Variants in BRD9 observed in about 807,000 individuals in gnomAD.
BRD9 encodes bromodomain containing 9, also known as bromodomain-containing protein 9.
Under a neutral mutation model 68.7 loss-of-function variants are expected in BRD9, and 47 were observed. The ratio of observed to expected loss-of-function variants is 0.68; its 90% confidence interval spans 0.54 to 0.87. BRD9 has a LOEUF of 0.87. Among genes scored for constraint, BRD9 ranks in the 40% least tolerant of loss-of-function variants. BRD9 has a pLI of 0.00. For synonymous variants in BRD9, 313 were observed against 293.9 expected (o/e 1.06, Z -0.67); for missense variants, 670 against 748.4 (o/e 0.90, Z 1.22).
Position 876,083 on chromosome 5 carries a change from G to A in BRD9, c.1383+18C>T, listed in dbSNP as rs375945395. ...CCAAGGGCACCTGCCCCCCAACCCCGGTGCGAGTGCAGCCCACCTGCTTCA... is the reference window on the plus strand; with the variant it reads ...CCAAGGGCACCTGCCCCCCAACCCCAGTGCGAGTGCAGCCCACCTGCTTCA... On this transcript the variant is annotated intron_variant, in intron 12 of 15. Coordinates refer to ENST00000467963, the MANE Select transcript of BRD9 (RefSeq NM_023924.5). 1.3e-5 allele frequency: 20 copies of A among 1,582,840 alleles called. No homozygotes were observed. Among genetic ancestry groups the A allele is most frequent in the South Asian group, 3.3e-5 (3 of 90,250 alleles).
rs111286164 is a variant in BRD9, at chr5:892,731, C to T, written c.-74G>A. The stretch of plus-strand genomic sequence containing the variant: ...CCGGTCGGACCTTGGCCGCCACCGC[C>T]CCCTGGCCCTGGCTGGCCGCCCGCG... On this transcript the variant is annotated 5_prime_UTR_variant, in exon 1 of 16. Transcript: ENST00000467963. 0.048 allele frequency: 59,209 copies of T among 1,240,822 alleles called. 1,514 individuals carry two copies. Among genetic ancestry groups the T allele is most frequent in the South Asian group, 0.059 (1,796 of 30,380 alleles). The allele number at this position is 1,240,822 out of a possible 1,614,324, so 76.9% of individuals were successfully genotyped here. A position where few individuals can be genotyped will look rare whatever the true frequency, so the allele number is the denominator to read the frequency against.
At position 864,443 on chromosome 5, in the gene BRD9, TAA is replaced by T. The variant is rs756506634; in HGVS notation, c.*23_*24del. 1.3e-6 allele frequency: 2 copies of T among 1,531,372 alleles called. No homozygotes were observed. The highest frequency in any genetic ancestry group is 1.2e-5 in the South Asian group (1 of 83,604). 94.9% of individuals were successfully genotyped at this position (1,531,372 alleles called of 1,614,324 possible). On this transcript the variant is annotated 3_prime_UTR_variant, in exon 16 of 16. Coordinates refer to ENST00000467963, the MANE Select transcript of BRD9 (RefSeq NM_023924.5). The stretch of plus-strand genomic sequence containing the variant: ...GCAAAATAAAACTAAAAAAATAAAA[TAA>T]AAGAGCTGAAGGTGGTCTAGAGTTA...
At chr5:886,454 C>A in intron 7 of BRD9, 138 bp downstream of exon 7, 1 of 902,070 alleles carries the variant, frequency 1.1e-6, no homozygotes, top group Non-Finnish European at 1.7e-6. Flanking sequence ...CTCCTCCTGC[C>A]AGAATAAGCT....
chr5:874,342 A>T (rs747774611), intron 12 of BRD9, among the ~76,000 whole-genome samples: 4 of 152,246 alleles, frequency 2.6e-5, no homozygotes, highest in Non-Finnish European at 5.9e-5. Flanking sequence ...TTTATTGAAG[A>T]TGTTTTTATT....
intron 11 of BRD9, 90 bp downstream of exon 11, chr5:878,265 C>T: frequency 1.3e-6 from 2 of 1,561,370 alleles, no homozygotes; most frequent in South Asian, 2.3e-5. Context: ...GGCTCTCTCC[C>T]CACCCGCACA....
rs1403940802 is a variant in BRD9 at position 881,485 on chromosome 5, C to CGGTCAGCA, written c.967-311_967-304dup. On this transcript the variant is annotated intron_variant, in intron 8 of 15. Transcript: ENST00000467963. The stretch of plus-strand genomic sequence containing the variant: ...GCTCATGAGCCTTGACAAAATGGAA[C>CGGTCAGCA]GGTCAGCAGGTCAGCATGGCACTGC... 8.9e-6 allele frequency: 4 copies of CGGTCAGCA among 450,420 alleles called. 1 individual carries two copies. The highest frequency in any genetic ancestry group is 1.6e-5 in the Non-Finnish European group (4 of 245,748). The allele number at this position is 450,420 out of a possible 1,614,324, so 27.9% of individuals were successfully genotyped here.
At chr5:866,572 A>T (rs898657575) in intron 14 of BRD9, 4 of 152,548 alleles carry the variant, frequency 2.6e-5, no homozygotes, top group African/African-American at 9.7e-5. Flanking sequence ...TGGACAGTGA[A>T]ATCCAGGCTG....
At chr5:887,295 G>T in intron 6 of BRD9, 66 bp downstream of exon 6, 1 of 1,368,762 alleles carries the variant, frequency 7.3e-7, no homozygotes, top group Non-Finnish European at 1.0e-6. Flanking sequence ...GGCTCCCTTC[G>T]GGCACAAGCG....
chr5:871,398 T>C (rs1385774008), intron 13 of BRD9, 128 bp downstream of exon 13: 2 of 824,996 alleles, frequency 2.4e-6, no homozygotes, highest in African/African-American at 1.7e-5. Context: ...ACTATTGATC[T>C]TACTGATCAG....
intron 12 of BRD9, 81 bp from the exon 13 acceptor site, chr5:871,645 G>A (rs1471937258): frequency 3.8e-6 from 5 of 1,325,608 alleles, no homozygotes; most frequent in East Asian, 4.6e-5. Flanking sequence ...TTACACACAC[G>A]TAAAAATGGC....
Position 865,469 on chromosome 5 carries a change from C to G in BRD9, c.1638G>C (p.Pro546=), listed in dbSNP as rs112085533. Reference sequence around the variant, plus strand: ...TGGACAGGGAGCTGAGGTTGGACGACGGCCGAGAGCCGCCGCGCTCCGCCT... The same window carrying G: ...TGGACAGGGAGCTGAGGTTGGACGAGGGCCGAGAGCCGCCGCGCTCCGCCT... ...EAQAERGGSR[P]SSNLSSLSNA... Residue 546 remains proline (P), a synonymous_variant, in exon 15 of 16, where the codon CCG becomes CCC. Transcript: ENST00000467963. 35 of 1,599,218 alleles carry G rather than the reference C, an allele frequency of 2.2e-5. No homozygotes were observed. Among genetic ancestry groups the G allele is most frequent in the Admixed American group, 3.3e-5 (2 of 59,750 alleles).
At chr5:876,830 C>A (rs1751013091) in intron 11 of BRD9, among the ~76,000 whole-genome samples, 1 of 152,178 alleles carries the variant, frequency 6.6e-6, no homozygotes, top group African/African-American at 2.4e-5. Context: ...AGAAGCTGAA[C>A]CACGGTCACA....
chr5:883,013 G>A (rs1752019713), intron 8 of BRD9: 8 of 312,528 alleles, frequency 2.6e-5, no homozygotes, highest in South Asian at 1.6e-4. Context: ...CACACAGACT[G>A]CAACCTCCCA....
Position 891,781 on chromosome 5 carries a change from G to A in BRD9, c.126C>T (p.Leu42=), listed in dbSNP as rs372155875. Residue 42 remains leucine, a synonymous_variant, in exon 2 of 16, where the codon CTC becomes CTT. Coordinates refer to ENST00000467963, the MANE Select transcript of BRD9 (RefSeq NM_023924.5). ...LKVGGSEVTE[L]SGSGHDSSYY... Reference sequence around the variant, plus strand: ...AACTGGAGTCGTGGCCGGATCCTGAGAGTTCAGTCACTTCACTTCCTCCGA... The same window carrying A: ...AACTGGAGTCGTGGCCGGATCCTGAAAGTTCAGTCACTTCACTTCCTCCGA... The A allele has an allele frequency of 1.4e-5, 21 of 1,551,552 alleles. No individual in the cohort carries two copies. In the East Asian group the frequency reaches 3.9e-4, roughly 29 times the overall value.
At chr5:891,356 C>G in intron 2 of BRD9, 69 bp from the exon 3 acceptor site, 1 of 1,512,282 alleles carries the variant, frequency 6.6e-7, no homozygotes, top group Non-Finnish European at 8.9e-7. Context: ...TGCCCAATCC[C>G]CTCGCAGTTC....
rs1238402697 is a variant in BRD9, at chr5:878,524, G to A, written c.1139-37C>T. ...AGGAGAGAGCATCACTGGACTCACT[G>A]GAAGGACTCGGTGTGCAGGCCCCAC... On this transcript the variant is annotated intron_variant, in intron 10 of 15. Coordinates refer to ENST00000467963, the MANE Select transcript of BRD9 (RefSeq NM_023924.5). 6 of 1,612,526 alleles carry A rather than the reference G, an allele frequency of 3.7e-6. No individual in the cohort carries two copies. In the East Asian group the frequency reaches 6.7e-5, roughly 18 times the overall value.
Position 886,670 on chromosome 5 carries a change from T to C in BRD9, c.755A>G (p.Glu252Gly). The C allele has an allele frequency of 6.2e-7, 1 of 1,614,170 alleles. No individual in the cohort carries two copies. Among genetic ancestry groups the C allele is most frequent in the Non-Finnish European group, 8.5e-7 (1 of 1,179,992 alleles). Reference protein sequence around the residue: ...ALLGNEDTAVEEPVPEVVPVQ... With the variant: ...ALLGNEDTAVGEPVPEVVPVQ... ...TGGTACAACTTCAGGGACAGGTTCC[T>C]CAACAGCTGTATCTTCATTGCCCAA... The change falls in exon 7 of 16, where the codon GAG becomes GGG. Residue 252 changes from glutamate (E) to glycine (G), a missense_variant. Physicochemically the swap from Glu to Gly is moderately conservative, Grantham distance 98. Around this residue, in one of 5 missense-constraint regions of BRD9, gnomAD observed 135 missense variants for 141.2 expected, o/e 0.96. Coordinates refer to ENST00000467963, the MANE Select transcript of BRD9 (RefSeq NM_023924.5).
chr5:865,706 A>C, intron 14 of BRD9, 125 bp from the exon 15 acceptor site: 2 of 1,094,132 alleles, frequency 1.8e-6, no homozygotes, highest in South Asian at 3.1e-5. Flanking sequence ...CTGGAAACTG[A>C]GTGGACGAGC....
intron 8 of BRD9, 47 bp from the exon 9 acceptor site, chr5:881,229 G>A (rs375000290): frequency 8.3e-6 from 13 of 1,562,860 alleles, no homozygotes; most frequent in South Asian, 4.5e-5. Context: ...GAGGGGCAGC[G>A]CAGCACAAAT....
Sources: allele counts gnomAD v4.1 joint callset (sites outside exome capture counted in the v4.1 genomes callset), GRCh38; gene constraint gnomAD v4.1.1; regional missense constraint gnomAD v4.1.1; transcripts MANE v1.5; gene names NCBI Gene and HGNC (gene_info 2026-07-23, HGNC 2026-07-21).